ETV6: variants seen among roughly 807,000 people sequenced by gnomAD.
The protein encoded by ETV6 is transcription factor ETV6.
Under a neutral mutation model 51.1 loss-of-function variants are expected in ETV6, and 16 were observed. That is an observed-to-expected ratio of 0.31 (90% CI 0.21 to 0.48). ETV6 has a LOEUF of 0.48. Ranked by LOEUF, ETV6 falls within the 20% of genes least tolerant of loss-of-function variation. The pLI, the probability that ETV6 is intolerant of heterozygous loss-of-function variation, is 0.99. For missense variants in ETV6, 458 were observed against 594.8 expected, an observed-to-expected ratio of 0.77 and a Z score of 2.39; for synonymous variants, 240 against 224.1, an observed-to-expected ratio of 1.07 and a Z score of -0.64.
intron 1 of ETV6, among the ~76,000 whole-genome samples, chr12:11,749,703 A>G (rs1406682185): frequency 6.6e-6 from 1 of 152,148 alleles, no homozygotes. Context: ...AGACAAAAGG[A>G]GTCTCTGTAG....
At chr12:11,671,134 G>A (rs1456347995) in intron 1 of ETV6, among the ~76,000 whole-genome samples, 2 of 152,128 alleles carry the variant, frequency 1.3e-5, no homozygotes, top group African/African-American at 4.8e-5. Flanking sequence ...TTGGCAGGGC[G>A]GGGAAGAGAG....
rs1947348017 is a variant in ETV6, at chr12:11,893,882, A to G, written c.*2836A>G. 5.3e-6 allele frequency: 1 copy of G among 188,590 alleles called. No individual in the cohort carries two copies. The highest frequency in any genetic ancestry group is 2.0e-4 in the South Asian group (1 of 4,948). The allele number at this position is 188,590 out of a possible 1,614,324, so 11.7% of individuals were successfully genotyped here. ...TACACAAATATTCCAGGATACAAAAAAAAACATTTAAAAATCCGAGACCCA... is the reference window on the plus strand; with the variant it reads ...TACACAAATATTCCAGGATACAAAAGAAAACATTTAAAAATCCGAGACCCA... On this transcript the variant is annotated 3_prime_UTR_variant, in exon 8 of 8. Transcript: ENST00000396373.
At chr12:11,659,776 C>T (rs1378859640) in intron 1 of ETV6, among the ~76,000 whole-genome samples, 1 of 152,022 alleles carries the variant, frequency 6.6e-6, no homozygotes, top group African/African-American at 2.4e-5. Flanking sequence ...CTCTTGTTTC[C>T]CTGGTGAAAG....
chr12:11,820,532 G>C (rs1379328690), intron 2 of ETV6, among the ~76,000 whole-genome samples: 1 of 152,190 alleles, frequency 6.6e-6, no homozygotes, highest in African/African-American at 2.4e-5. Context: ...TGTCCAGGGA[G>C]GACTTGAAGG....
chr12:11,799,702 C>T (rs1047559312), intron 2 of ETV6, among the ~76,000 whole-genome samples: 1 of 152,342 alleles, frequency 6.6e-6, no homozygotes, highest in East Asian at 1.9e-4. Context: ...TACTCCCCTT[C>T]TTGGTCCCCA....
intron 2 of ETV6, among the ~76,000 whole-genome samples, chr12:11,805,449 C>T (rs1020880793): frequency 2.0e-5 from 3 of 152,150 alleles, no homozygotes; most frequent in Non-Finnish European, 2.9e-5. Context: ...AGATATGTCT[C>T]ATCAATGTAG....
chr12:11,656,407 G>A (rs754896205), intron 1 of ETV6, among the ~76,000 whole-genome samples: 3 of 152,304 alleles, frequency 2.0e-5, no homozygotes, highest in Admixed American at 6.5e-5. Context: ...TACATAAGCC[G>A]AGATGAGAGG....
intron 1 of ETV6, among the ~76,000 whole-genome samples, chr12:11,704,565 T>A (rs1029641829): frequency 2.0e-5 from 3 of 152,170 alleles, no homozygotes; most frequent in African/African-American, 7.2e-5. Context: ...CAGGCTAGTC[T>A]CAAACTCCTA....
intron 2 of ETV6, among the ~76,000 whole-genome samples, chr12:11,789,662 T>G (rs1000434733): frequency 2.6e-5 from 4 of 152,208 alleles, no homozygotes; most frequent in Admixed American, 6.5e-5. Context: ...CTTGATAGAT[T>G]ATTTCCTCAT....
intron 1 of ETV6, among the ~76,000 whole-genome samples, chr12:11,674,617 G>GTGTT (rs1864380692): frequency 2.4e-5 from 1 of 41,964 alleles, no homozygotes; most frequent in Non-Finnish European, 4.6e-5. Context: ...GGGGTTATTT[G>GTGTT]TGTGTGTGTG....
chr12:11,817,323 A>G (rs1018554321), intron 2 of ETV6, among the ~76,000 whole-genome samples: 7 of 152,204 alleles, frequency 4.6e-5, no homozygotes, highest in African/African-American at 1.7e-4. Flanking sequence ...CGTAGAAGCA[A>G]AAGAGATCCT....
chr12:11,836,067 T>A (rs1311777559), intron 2 of ETV6, among the ~76,000 whole-genome samples: 2 of 152,212 alleles, frequency 1.3e-5, no homozygotes, highest in African/African-American at 2.4e-5. Flanking sequence ...AAATGACTAT[T>A]AAGTAAATTA....
At chr12:11,729,281 A>G (rs1171132544) in intron 1 of ETV6, among the ~76,000 whole-genome samples, 1 of 152,120 alleles carries the variant, frequency 6.6e-6, no homozygotes, top group African/African-American at 2.4e-5. Context: ...CCATGTTTTC[A>G]GGATTTTATC....
At chr12:11,870,056 C>T (rs902168586) in intron 5 of ETV6, 87 bp downstream of exon 5, 13 of 1,456,982 alleles carry the variant, frequency 8.9e-6, no homozygotes, top group Non-Finnish European at 1.2e-5. Context: ...GCCAGCCTCG[C>T]ACCATTCCCA....
chr12:11,814,090 T>C (rs1181008343), intron 2 of ETV6, among the ~76,000 whole-genome samples: 1 of 152,220 alleles, frequency 6.6e-6, no homozygotes, highest in African/African-American at 2.4e-5. Context: ...AAGCTATTAT[T>C]AACTGGTACA....
chr12:11,771,543 A>C (rs1446601157), intron 2 of ETV6, among the ~76,000 whole-genome samples: 1 of 152,220 alleles, frequency 6.6e-6, no homozygotes, highest in African/African-American at 2.4e-5. Context: ...GTATGTTACC[A>C]GAGTGATCTC....
At chr12:11,816,270 G>A (rs965970447) in intron 2 of ETV6, among the ~76,000 whole-genome samples, 9 of 152,170 alleles carry the variant, frequency 5.9e-5, no homozygotes, top group African/African-American at 1.9e-4. Context: ...TGTTTGAGAC[G>A]GAGTCTCGCT....
At chr12:11,737,025 C>T (rs1018511601) in intron 1 of ETV6, among the ~76,000 whole-genome samples, 15 of 152,174 alleles carry the variant, frequency 9.9e-5, no homozygotes, top group Non-Finnish European at 2.2e-4. Context: ...ACCTTCCCCC[C>T]TGGGTGTGTG....
intron 4 of ETV6, 122 bp downstream of exon 4, chr12:11,853,683 G>C (rs1946591152): frequency 8.9e-7 from 1 of 1,121,486 alleles, no homozygotes. Context: ...GACAATTATT[G>C]AGTGCTTACT....
Sources: allele counts gnomAD v4.1 joint callset (sites outside exome capture counted in the v4.1 genomes callset), GRCh38; gene constraint gnomAD v4.1.1; transcripts MANE v1.5; gene names NCBI Gene and HGNC (gene_info 2026-07-23, HGNC 2026-07-21).